The following FMN1 variants were observed in gnomAD, a reference collection of about 807,000 sequenced individuals.
The protein encoded by FMN1 is formin 1, also known as formin-1.
FMN1 carries 110 observed loss-of-function variants against 132.4 expected under a neutral mutation model. The ratio of observed to expected loss-of-function variants is 0.83; its 90% CI spans 0.71 to 0.97. The LOEUF is 0.97. Among genes scored for constraint, FMN1 ranks in the 50% least tolerant of loss-of-function variants. The probability of loss-of-function intolerance (pLI) is 0.00; values close to 1 mark genes in which losing one functional copy is unlikely to be tolerated. For missense variants in FMN1, 1,792 were observed against 1,705.3 expected, an observed-to-expected ratio of 1.05 and a Z score of -0.90; for synonymous variants, 722 against 651.7, an observed-to-expected ratio of 1.11 and a Z score of -1.64.
At chr15:33,025,846 T>A (rs815508) in intron 6 of FMN1, among the ~76,000 whole-genome samples, 60,062 of 151,936 alleles carry the variant, frequency 0.4, 12,218 homozygotes, top group Admixed American at 0.48. Flanking sequence ...CAGAATATCT[T>A]TCAAGAACTT....
intron 4 of FMN1, among the ~76,000 whole-genome samples, chr15:33,143,282 A>G (rs570629904): frequency 6.6e-6 from 1 of 152,320 alleles, no homozygotes; most frequent in South Asian, 2.1e-4. Flanking sequence ...AACATTGATA[A>G]TAATCACATG....
chr15:33,139,827 G>A (rs1291336659), intron 4 of FMN1, among the ~76,000 whole-genome samples: 1 of 151,990 alleles, frequency 6.6e-6, no homozygotes, highest in African/African-American at 2.4e-5. Flanking sequence ...AGAGCCAAGG[G>A]ATCCTTTTCA....
At chr15:32,895,403 T>C (rs1010920987) in intron 15 of FMN1, among the ~76,000 whole-genome samples, 3 of 151,232 alleles carry the variant, frequency 2.0e-5, no homozygotes, top group Admixed American at 2.0e-4. Flanking sequence ...CCATAAAGCA[T>C]ACATGTATAA....
intron 19 of FMN1, among the ~76,000 whole-genome samples, chr15:32,797,678 G>C (rs548934940): frequency 1.3e-4 from 20 of 152,216 alleles, no homozygotes; most frequent in Non-Finnish European, 1.3e-4. Context: ...ATGGGAAGAT[G>C]TGTTGATAAA....
intron 4 of FMN1, chr15:33,150,608 A>G: frequency 2.0e-6 from 2 of 985,462 alleles, no homozygotes; most frequent in Non-Finnish European, 2.4e-6. Context: ...TTAGTCTTGT[A>G]ACAAGGATAA....
chr15:32,973,229 T>G (rs559298200), intron 7 of FMN1, among the ~76,000 whole-genome samples: 4 of 152,346 alleles, frequency 2.6e-5, no homozygotes, highest in Admixed American at 2.6e-4. Context: ...ACAGCTCTTC[T>G]GATCTGTTTT....
chr15:33,071,184 T>C (rs2037984996), intron 5 of FMN1, among the ~76,000 whole-genome samples: 2 of 152,172 alleles, frequency 1.3e-5, no homozygotes, highest in South Asian at 2.1e-4. Context: ...ACAACAACCT[T>C]ATACTGAGGA....
At chr15:33,049,889 T>C (rs1322291982) in intron 6 of FMN1, among the ~76,000 whole-genome samples, 1 of 152,250 alleles carries the variant, frequency 6.6e-6, no homozygotes, top group Non-Finnish European at 1.5e-5. Context: ...TCTCCCTGAT[T>C]CTGCCATGAT....
At chr15:33,192,935 G>T (rs1595622819) in intron 2 of FMN1, among the ~76,000 whole-genome samples, 1 of 152,208 alleles carries the variant, frequency 6.6e-6, no homozygotes, top group East Asian at 1.9e-4. Flanking sequence ...AATTAAAGAG[G>T]CAAGCAACTT....
chr15:33,110,292 T>C (rs1235122661), intron 4 of FMN1, among the ~76,000 whole-genome samples: 1 of 152,040 alleles, frequency 6.6e-6, no homozygotes, highest in African/African-American at 2.4e-5. Flanking sequence ...TTGTTCACAA[T>C]AACTGAAACA....
intron 16 of FMN1, among the ~76,000 whole-genome samples, chr15:32,877,832 T>C (rs1337280673): frequency 6.6e-6 from 1 of 152,168 alleles, no homozygotes; most frequent in African/African-American, 2.4e-5. Context: ...AGTCAGCGAT[T>C]ATCTGAAGTT....
intron 6 of FMN1, among the ~76,000 whole-genome samples, chr15:33,056,532 A>G (rs1595368429): frequency 6.6e-6 from 1 of 152,324 alleles, no homozygotes; most frequent in South Asian, 2.1e-4. Context: ...TGATTGGCCA[A>G]AACTCAGTGA....
chr15:33,115,469 G>A (rs1353833910), intron 4 of FMN1, among the ~76,000 whole-genome samples: 1 of 150,944 alleles, frequency 6.6e-6, no homozygotes, highest in Non-Finnish European at 1.5e-5. Context: ...GCCTTGCTAA[G>A]GAAACTGGAT....
At chr15:32,933,449 T>A (rs1277709408) in intron 9 of FMN1, among the ~76,000 whole-genome samples, 1 of 151,928 alleles carries the variant, frequency 6.6e-6, no homozygotes, top group African/African-American at 2.4e-5. Flanking sequence ...CAAAACCCAA[T>A]TCCTGTTGGG....
intron 9 of FMN1, among the ~76,000 whole-genome samples, chr15:32,928,345 G>T (rs1280921188): frequency 6.6e-6 from 1 of 151,484 alleles, no homozygotes; most frequent in Non-Finnish European, 1.5e-5. Flanking sequence ...AGGCAATTAA[G>T]CATAATACAA....
rs1050130846 is a variant in FMN1 at position 32,951,726 on chromosome 15, A to G, written c.3138+12381T>C. 1.3e-4 allele frequency among the ~76,000 whole-genome samples: 20 copies of G among 152,216 alleles called. 1 individual carries two copies. Among genetic ancestry groups the G allele is most frequent in the Admixed American group, 1.0e-3 (16 of 15,282 alleles). Reference sequence around the variant, plus strand: ...TTTTAATTTTCACAACCACCTTTGAAGCAGACATTAATATTACTCTTTCTT... The same window carrying G: ...TTTTAATTTTCACAACCACCTTTGAGGCAGACATTAATATTACTCTTTCTT... On this transcript the variant is annotated intron_variant, in intron 9 of 20. Coordinates refer to ENST00000616417, the MANE Select transcript of FMN1 (RefSeq NM_001277313.2).
chr15:32,993,021 C>T (rs1322111958), intron 7 of FMN1, among the ~76,000 whole-genome samples: 1 of 152,168 alleles, frequency 6.6e-6, no homozygotes, highest in Admixed American at 6.5e-5. Context: ...TGTGATACTT[C>T]AACAATTCTA....
intron 16 of FMN1, among the ~76,000 whole-genome samples, chr15:32,864,436 A>G (rs1299371097): frequency 6.6e-6 from 1 of 152,320 alleles, no homozygotes; most frequent in Non-Finnish European, 1.5e-5. Context: ...TCTCAGCTCA[A>G]ATCAGACAAC....
rs78511747 is a variant in FMN1, at chr15:32,915,737, A to G, written c.3227-5202T>C. ...GAAAGGTGAAGTGTCAAGTCCACAA[A>G]GGGGAGACCCCAACAGCTCATTGCT... On this transcript the variant is annotated intron_variant, in intron 10 of 20. Coordinates refer to ENST00000616417, the MANE Select transcript of FMN1 (RefSeq NM_001277313.2). Among the ~76,000 whole-genome samples the G allele has an allele frequency of 8.4e-3, 1,282 of 152,346 alleles. 15 individuals carry two copies. The highest frequency in any genetic ancestry group is 0.029 in the African/African-American group (1,224 of 41,570).
Sources: gnomAD v4.1 joint callset for allele counts (sites outside exome capture counted in the v4.1 genomes callset) on GRCh38, gnomAD v4.1.1 for gene constraint, MANE v1.5 for transcripts, NCBI Gene and HGNC (gene_info 2026-07-23, HGNC 2026-07-21) for gene names.